Variants in SLIT3 observed in about 807,000 individuals in gnomAD.
SLIT3 encodes slit homolog 3 protein.
A neutral mutation model predicts 184.0 loss-of-function variants in SLIT3; 68 were observed. The ratio of observed to expected loss-of-function variants is 0.37; its 90% CI spans 0.30 to 0.45. The LOEUF is 0.45. Ranked by LOEUF, SLIT3 falls within the 20% of genes least tolerant of loss-of-function variation. The pLI is 1.00. For synonymous variants in SLIT3, 831 were observed against 828.6 expected, an observed-to-expected ratio of 1.00 and a Z score of -0.05; for missense variants, 1,707 against 2,026.0, an observed-to-expected ratio of 0.84 and a Z score of 3.02.
At chr5:168,946,157 A>G (rs1329769062) in intron 4 of SLIT3, among the ~76,000 whole-genome samples, 1 of 152,114 alleles carries the variant, frequency 6.6e-6, no homozygotes, top group Non-Finnish European at 1.5e-5. Context: ...TGGGATTGGG[A>G]CTTGTGTCTG....
chr5:168,869,080 C>A (rs367907647), intron 5 of SLIT3, among the ~76,000 whole-genome samples: 1 of 152,202 alleles, frequency 6.6e-6, no homozygotes, highest in African/African-American at 2.4e-5. Flanking sequence ...GGTTGCCGGG[C>A]AGGACTGGGC....
chr5:168,688,494 G>C (rs1461645172), intron 29 of SLIT3, among the ~76,000 whole-genome samples: 1 of 152,172 alleles, frequency 6.6e-6, no homozygotes, highest in East Asian at 1.9e-4. Context: ...CACTGGCATC[G>C]TTGTGGTTGG....
At chr5:169,011,078 T>C (rs1218015674) in intron 4 of SLIT3, among the ~76,000 whole-genome samples, 1 of 152,072 alleles carries the variant, frequency 6.6e-6, no homozygotes, top group Non-Finnish European at 1.5e-5. Flanking sequence ...CACTGAAGAC[T>C]CTAAGTCTAT....
At chr5:168,860,917 T>A (rs1022531152) in intron 5 of SLIT3, among the ~76,000 whole-genome samples, 1 of 152,192 alleles carries the variant, frequency 6.6e-6, no homozygotes, top group Non-Finnish European at 1.5e-5. Flanking sequence ...CTGCATGACA[T>A]GCTGTGCCTC....
intron 32 of SLIT3, among the ~76,000 whole-genome samples, chr5:168,678,543 C>T (rs1175737216): frequency 1.3e-5 from 2 of 151,804 alleles, no homozygotes; most frequent in African/African-American, 4.8e-5. Flanking sequence ...ATTAGCCGGG[C>T]GTGGTGGCGG....
Position 168,671,205 on chromosome 5 carries a change from C to T in SLIT3, c.4120G>A (p.Gly1374Ser), listed in dbSNP as rs562033047. 2.0e-5 allele frequency: 32 copies of T among 1,606,676 alleles called. No individual in the cohort carries two copies. The highest frequency in any genetic ancestry group is 5.3e-5 in the African/African-American group (4 of 74,892). ...GGCTCCTGGGACACTGACCTGTGGC[C>T]GAGGCAGGGGTCCCGGGCCTCCTGA... Reference protein sequence around the residue: ...CDQEARDPCLGHRCHHGKCVA... With the variant: ...CDQEARDPCLSHRCHHGKCVA... The change falls in exon 34 of 36, where the codon GGC becomes AGC. Residue 1374 changes from glycine (G) to serine (S), a missense_variant. By Grantham distance (56) the Gly-to-Ser change is moderately conservative (BLOSUM62 0). Coordinates refer to ENST00000519560, the MANE Select transcript of SLIT3 (RefSeq NM_003062.4).
At chr5:169,221,916 G>A (rs1459540654) in intron 3 of SLIT3, among the ~76,000 whole-genome samples, 1 of 152,162 alleles carries the variant, frequency 6.6e-6, no homozygotes, top group African/African-American at 2.4e-5. Flanking sequence ...TACAGAGATT[G>A]CTTTACATCT....
At chr5:169,008,655 T>C (rs1182324754) in intron 4 of SLIT3, among the ~76,000 whole-genome samples, 4 of 151,480 alleles carry the variant, frequency 2.6e-5, no homozygotes, top group African/African-American at 9.7e-5. Context: ...GCTGCTGTTG[T>C]TGTTTTTTTT....
intron 4 of SLIT3, among the ~76,000 whole-genome samples, chr5:168,907,969 T>TAG (rs1426074287): frequency 0.025 from 1,889 of 76,304 alleles, 20 homozygotes; most frequent in Non-Finnish European, 0.036. Context: ...TATATATATA[T>TAG]ATATATATAT....
At chr5:169,280,502 G>A (rs558252304) in intron 1 of SLIT3, among the ~76,000 whole-genome samples, 5 of 152,342 alleles carry the variant, frequency 3.3e-5, no homozygotes, top group African/African-American at 1.2e-4. Context: ...CTATGTGGGA[G>A]TGTGTGAGCA....
Position 168,856,809 on chromosome 5 carries a change from G to GCGCGCGCGCA in SLIT3, c.486-12164_486-12155dup, listed in dbSNP as rs1554149489. On this transcript the variant is annotated intron_variant, in intron 5 of 35. Transcript: ENST00000519560. ...TGTGTGTGTGTGTGTGTGTGTGTGC[G>GCGCGCGCGCA]CGCGCGCGCACGCCTTTGTTCAGAC... Among the ~76,000 whole-genome samples the GCGCGCGCGCA allele has an allele frequency of 1.2e-3, 169 of 145,518 alleles. 1 individual carries two copies. The highest frequency in any genetic ancestry group is 6.2e-3 in the South Asian group (27 of 4,374).
chr5:169,194,638 T>C (rs558264383), intron 3 of SLIT3, among the ~76,000 whole-genome samples: 34 of 152,320 alleles, frequency 2.2e-4, no homozygotes, highest in African/African-American at 7.7e-4. Flanking sequence ...CCTAACAGTA[T>C]TGTAGACCCT....
chr5:168,910,708 T>G (rs184430816), intron 4 of SLIT3, among the ~76,000 whole-genome samples: 2 of 147,200 alleles, frequency 1.4e-5, no homozygotes, highest in Non-Finnish European at 3.0e-5. Flanking sequence ...ATGGCACCAC[T>G]GCACTCCAGC....
intron 4 of SLIT3, among the ~76,000 whole-genome samples, chr5:169,138,833 A>G (rs568814679): frequency 1.8e-4 from 27 of 152,346 alleles, no homozygotes; most frequent in African/African-American, 5.5e-4. Flanking sequence ...AGTGCTTCGC[A>G]ATGAAAATGC....
intron 4 of SLIT3, among the ~76,000 whole-genome samples, chr5:169,034,939 G>GTGTGTGTT (rs1561621811): frequency 4.0e-5 from 6 of 150,990 alleles, no homozygotes; most frequent in African/African-American, 1.5e-4. Flanking sequence ...GTGTGTGTGT[G>GTGTGTGTT]TGTGTGTGTG....
At chr5:168,805,844 C>A (rs1303271704) in intron 9 of SLIT3, among the ~76,000 whole-genome samples, 1 of 152,170 alleles carries the variant, frequency 6.6e-6, no homozygotes, top group Non-Finnish European at 1.5e-5. Context: ...AGAGTACCTG[C>A]CCATGTGCTG....
chr5:169,100,626 G>T (rs769014262), intron 4 of SLIT3, among the ~76,000 whole-genome samples: 2 of 152,104 alleles, frequency 1.3e-5, no homozygotes, highest in Non-Finnish European at 2.9e-5. Context: ...GGACACAAAC[G>T]CACTAAAAGC....
chr5:169,261,550 T>C (rs902545407), intron 1 of SLIT3, among the ~76,000 whole-genome samples: 2 of 151,974 alleles, frequency 1.3e-5, no homozygotes, highest in Non-Finnish European at 2.9e-5. Flanking sequence ...TTTTTTAAAA[T>C]CCCTCCCTCC....
At chr5:168,719,735 A>G (rs73802371) in intron 23 of SLIT3, among the ~76,000 whole-genome samples, 4,577 of 152,280 alleles carry the variant, frequency 0.03, 244 homozygotes, top group African/African-American at 0.1. Flanking sequence ...TCTTTAACCT[A>G]AATTCCTAGG....
Sources: allele counts gnomAD v4.1 joint callset (sites outside exome capture counted in the v4.1 genomes callset), GRCh38; gene constraint gnomAD v4.1.1; transcripts MANE v1.5; gene names NCBI Gene and HGNC (gene_info 2026-07-23, HGNC 2026-07-21).